The following ASIC2 variants were observed in gnomAD, a reference collection of about 807,000 sequenced individuals.
ASIC2 encodes the protein acid-sensing ion channel 2.
Under a neutral mutation model 57.3 loss-of-function variants are expected in ASIC2, and 25 were observed. That is an observed-to-expected ratio of 0.44 (90% CI 0.32 to 0.61). ASIC2 has a LOEUF of 0.61. Among genes scored for constraint, ASIC2 ranks in the 20% least tolerant of loss-of-function variants. The probability of loss-of-function intolerance (pLI) is 0.06; values close to 1 mark genes in which losing one functional copy is unlikely to be tolerated. For missense variants in ASIC2, 641 were observed against 738.1 expected (o/e 0.87, Z 1.52); for synonymous variants, 319 against 307.5 (o/e 1.04, Z -0.39).
chr17:33,779,115 G>A (rs1338009539), intron 1 of ASIC2, among the ~76,000 whole-genome samples: 1 of 152,158 alleles, frequency 6.6e-6, no homozygotes, highest in Non-Finnish European at 1.5e-5. Flanking sequence ...AGCCATGCAG[G>A]ACGGCCATGC....
At chr17:33,361,217 C>T (rs1379027059) in intron 1 of ASIC2, among the ~76,000 whole-genome samples, 2 of 152,136 alleles carry the variant, frequency 1.3e-5, no homozygotes, top group Non-Finnish European at 2.9e-5. Flanking sequence ...TTAAGATGAA[C>T]CATGACATTA....
chr17:33,535,376 C>T (rs1209332277), intron 1 of ASIC2, among the ~76,000 whole-genome samples: 1 of 151,680 alleles, frequency 6.6e-6, no homozygotes, highest in African/African-American at 2.4e-5. Context: ...AGGTTCATGC[C>T]ATTCTCCTGC....
chr17:34,152,032 A>T (rs7207150), intron 1 of ASIC2, among the ~76,000 whole-genome samples: 7,955 of 152,106 alleles, frequency 0.052, 519 homozygotes, highest in African/African-American at 0.15. Flanking sequence ...TAATTTTTTT[A>T]AAAAAGATAG....
chr17:33,111,978 G>A lies in ASIC2; in HGVS notation c.798C>T (p.Asn266=), dbSNP rs748958495. ...GAATGTCCAGCATGATCTCCAGCCCGTTGCCTGTCCCCCCCTTGACCGTGG... is the reference window on the plus strand; with the variant it reads ...GAATGTCCAGCATGATCTCCAGCCCATTGCCTGTCCCCCCCTTGACCGTGG... The part of the protein sequence containing the change: ...LLTTVKGGTG[N]GLEIMLDIQQ... The change falls in exon 2 of 10, where the codon AAC becomes AAT. Residue 266 remains asparagine, a synonymous_variant. Coordinates refer to ENST00000225823, the MANE Select transcript of ASIC2 (RefSeq NM_183377.2). The A allele has an allele frequency of 5.3e-5, 85 of 1,613,770 alleles. No individual in the cohort carries two copies. The highest frequency in any genetic ancestry group is 1.6e-4 in the Middle Eastern group (1 of 6,084).
chr17:33,476,392 C>A (rs1039661911), intron 1 of ASIC2, among the ~76,000 whole-genome samples: 4 of 152,082 alleles, frequency 2.6e-5, no homozygotes, highest in South Asian at 4.1e-4. Context: ...TATTTATCCA[C>A]TTCCTTATCG....
chr17:33,622,199 A>G (rs1428513694), intron 1 of ASIC2, among the ~76,000 whole-genome samples: 2 of 152,114 alleles, frequency 1.3e-5, no homozygotes, highest in Admixed American at 6.5e-5. Context: ...AAAGTGCTAC[A>G]GAAGCTTAAG....
intron 1 of ASIC2, among the ~76,000 whole-genome samples, chr17:33,425,797 A>G (rs1278105403): frequency 6.6e-6 from 1 of 152,190 alleles, no homozygotes; most frequent in African/African-American, 2.4e-5. Flanking sequence ...CCATCTGGGC[A>G]TTCTGAGACA....
chr17:33,865,946 T>C (rs1597908099), intron 1 of ASIC2, among the ~76,000 whole-genome samples: 1 of 152,128 alleles, frequency 6.6e-6, no homozygotes, highest in Non-Finnish European at 1.5e-5. Flanking sequence ...AAGGTAACTA[T>C]TCTCTTGATG....
At chr17:33,460,867 C>T (rs1912611927) in intron 1 of ASIC2, among the ~76,000 whole-genome samples, 1 of 152,186 alleles carries the variant, frequency 6.6e-6, no homozygotes, top group Non-Finnish European at 1.5e-5. Context: ...TTCTCACCAT[C>T]CTGTGCAACT....
intron 1 of ASIC2, among the ~76,000 whole-genome samples, chr17:33,614,591 C>A (rs9899289): frequency 6.6e-6 from 1 of 151,614 alleles, no homozygotes; most frequent in Non-Finnish European, 1.5e-5. Context: ...TTTTTGAAAA[C>A]TTATCTGCTA....
chr17:33,968,902 G>A (rs1905146455), intron 1 of ASIC2, among the ~76,000 whole-genome samples: 1 of 152,272 alleles, frequency 6.6e-6, no homozygotes, highest in African/African-American at 2.4e-5. Flanking sequence ...CAGGGGGCTT[G>A]TGACAGGTGG....
chr17:33,417,421 C>T (rs1328898752), intron 1 of ASIC2, among the ~76,000 whole-genome samples: 3 of 152,218 alleles, frequency 2.0e-5, no homozygotes, highest in Admixed American at 2.0e-4. Flanking sequence ...ATCTGTCTGT[C>T]TGTAGCTTCT....
chr17:34,151,115 AAAAAAAAAAAT>A (rs1343896167), intron 1 of ASIC2, among the ~76,000 whole-genome samples: 2 of 129,686 alleles, frequency 1.5e-5, no homozygotes, highest in Non-Finnish European at 3.4e-5. Context: ...GAAAAAAAAA[AAAAAAAAAAAT>A]AAAGAGGTAG....
intron 1 of ASIC2, among the ~76,000 whole-genome samples, chr17:33,662,268 T>C (rs1275170977): frequency 6.6e-6 from 1 of 152,058 alleles, no homozygotes; most frequent in African/African-American, 2.4e-5. Context: ...CCTCATAGGA[T>C]TGTTGTGATA....
intron 1 of ASIC2, among the ~76,000 whole-genome samples, chr17:34,032,944 A>G (rs552621237): frequency 6.6e-6 from 1 of 152,224 alleles, no homozygotes; most frequent in Non-Finnish European, 1.5e-5. Context: ...TGTCAACATT[A>G]GACAGATAAA....
chr17:33,625,141 ATCTATCT>A (rs1905936873), intron 1 of ASIC2, among the ~76,000 whole-genome samples: 2 of 150,262 alleles, frequency 1.3e-5, no homozygotes, highest in Admixed American at 1.3e-4. Context: ...CTATCTATCT[ATCTATCT>A]ATCTATCTAT....
intron 1 of ASIC2, among the ~76,000 whole-genome samples, chr17:33,633,947 C>T (rs1906261150): frequency 6.6e-6 from 1 of 152,198 alleles, no homozygotes; most frequent in Admixed American, 6.5e-5. Context: ...GCATTTCCTG[C>T]CTTATTCTTT....
At chr17:34,132,489 G>C (rs1300206006) in intron 1 of ASIC2, among the ~76,000 whole-genome samples, 1 of 112,380 alleles carries the variant, frequency 8.9e-6, no homozygotes, top group Non-Finnish European at 1.9e-5. Context: ...TGTCTTCAAG[G>C]GTCTTTCTTT....
intron 1 of ASIC2, among the ~76,000 whole-genome samples, chr17:33,118,709 A>G (rs972104228): frequency 5.9e-5 from 9 of 152,228 alleles, no homozygotes; most frequent in African/African-American, 2.2e-4. Context: ...GGGTGAAATG[A>G]CTTGTCCCAG....
Sources: allele counts gnomAD v4.1 joint callset (sites outside exome capture counted in the v4.1 genomes callset), GRCh38; gene constraint gnomAD v4.1.1; transcripts MANE v1.5; gene names NCBI Gene and HGNC (gene_info 2026-07-23, HGNC 2026-07-21).